TMEM163: variants seen among roughly 807,000 people sequenced by gnomAD.
TMEM163 encodes transmembrane protein 163.
TMEM163 carries 17 observed loss-of-function variants against 29.3 expected under a neutral mutation model. That is an observed-to-expected ratio of 0.58 (90% CI 0.40 to 0.87). TMEM163 has a LOEUF of 0.87. TMEM163 is among the 40% of genes least tolerant of loss of function. TMEM163 has a pLI of 0.00. For missense variants in TMEM163, 303 were observed against 381.5 expected, an observed-to-expected ratio of 0.79 and a Z score of 1.71; for synonymous variants, 157 against 160.6, an observed-to-expected ratio of 0.98 and a Z score of 0.17.
chr2:134,537,167 G>T (rs900534560), intron 4 of TMEM163, among the ~76,000 whole-genome samples: 2 of 152,128 alleles, frequency 1.3e-5, no homozygotes, highest in Non-Finnish European at 2.9e-5. Flanking sequence ...CCTAAATATT[G>T]TATTCACCTA....
intron 2 of TMEM163, among the ~76,000 whole-genome samples, chr2:134,659,385 T>C (rs546408423): frequency 6.6e-6 from 1 of 152,322 alleles, no homozygotes; most frequent in South Asian, 2.1e-4. Flanking sequence ...CAGGGTTTCC[T>C]GCTTTCCCCA....
intron 2 of TMEM163, among the ~76,000 whole-genome samples, chr2:134,681,325 G>A (rs919383788): frequency 6.6e-6 from 1 of 152,168 alleles, no homozygotes; most frequent in South Asian, 2.1e-4. Flanking sequence ...CGGGAAGGCT[G>A]GCTATGCATT....
At chr2:134,608,590 C>T (rs1185900504) in intron 2 of TMEM163, among the ~76,000 whole-genome samples, 38 of 44,076 alleles carry the variant, frequency 8.6e-4, no homozygotes, top group Admixed American at 1.0e-3. Context: ...GGACAGACCC[C>T]GAGAACTGTA....
intron 5 of TMEM163, among the ~76,000 whole-genome samples, chr2:134,489,032 T>C (rs1231334351): frequency 2.0e-5 from 3 of 152,038 alleles, no homozygotes; most frequent in Non-Finnish European, 4.4e-5. Flanking sequence ...CTTGGGAAGA[T>C]CTATAAAATG....
chr2:134,559,819 C>T (rs1453683550), intron 2 of TMEM163, among the ~76,000 whole-genome samples: 1 of 152,124 alleles, frequency 6.6e-6, no homozygotes, highest in Non-Finnish European at 1.5e-5. Flanking sequence ...GTGTTCTGGG[C>T]CACTTTGCAA....
intron 2 of TMEM163, among the ~76,000 whole-genome samples, chr2:134,702,516 G>A (rs1397749193): frequency 1.3e-5 from 2 of 152,042 alleles, no homozygotes; most frequent in Non-Finnish European, 2.9e-5. Flanking sequence ...ATGGTGGCAC[G>A]CCCCTGTAGT....
intron 4 of TMEM163, among the ~76,000 whole-genome samples, chr2:134,523,402 A>T (rs762327658): frequency 1.3e-5 from 2 of 152,206 alleles, no homozygotes; most frequent in Non-Finnish European, 2.9e-5. Context: ...TGCGGTACTC[A>T]GTTGTTTTGT....
At position 134,632,907 on chromosome 2, in the gene TMEM163, TAA is replaced by T. The variant is rs1486585920; in HGVS notation, c.322+80291_322+80292del. Among the ~76,000 whole-genome samples the T allele has an allele frequency of 3.5e-4, 50 of 142,266 alleles. 1 individual carries two copies. The highest frequency in any genetic ancestry group is 1.3e-3 in the African/African-American group (48 of 38,366). The allele number at this position is 142,266 out of a possible 152,430, so 93.3% of individuals were successfully genotyped here. A position where few individuals can be genotyped will look rare whatever the true frequency, so the allele number is the denominator to read the frequency against. Reference sequence around the variant, plus strand: ...ACAGGCACCCGCCACCACACCCAGCTAATTTTTTTTTTTTTTTTTTTTTTGTA... The same window carrying T: ...ACAGGCACCCGCCACCACACCCAGCTTTTTTTTTTTTTTTTTTTTTTTGTA... On this transcript the variant is annotated intron_variant, in intron 2 of 7. Transcript: ENST00000281924.
chr2:134,533,072 G>A (rs968286568), intron 4 of TMEM163, among the ~76,000 whole-genome samples: 1 of 151,934 alleles, frequency 6.6e-6, no homozygotes, highest in African/African-American at 2.4e-5. Context: ...TCAAGCACAG[G>A]GCCTAAAGAA....
At chr2:134,456,875 A>G (rs1358991191) in intron 7 of TMEM163, 99 bp from the exon 8 acceptor site, 3 of 1,272,406 alleles carry the variant, frequency 2.4e-6, no homozygotes, top group Non-Finnish European at 3.3e-6. Flanking sequence ...TAATTCACAT[A>G]CCATAAAATT....
At chr2:134,565,924 G>C (rs554654275) in intron 2 of TMEM163, among the ~76,000 whole-genome samples, 92 of 152,318 alleles carry the variant, frequency 6.0e-4, no homozygotes, top group African/African-American at 2.1e-3. Flanking sequence ...ATTCAGGCTG[G>C]TGGTCACCTC....
At chr2:134,492,365 A>C (rs1208505649) in intron 5 of TMEM163, among the ~76,000 whole-genome samples, 1 of 152,234 alleles carries the variant, frequency 6.6e-6, no homozygotes, top group Non-Finnish European at 1.5e-5. Flanking sequence ...TCATATACTT[A>C]AAGTATACAC....
chr2:134,486,404 A>T (rs1009245227), intron 5 of TMEM163, among the ~76,000 whole-genome samples: 1 of 152,196 alleles, frequency 6.6e-6, no homozygotes, highest in African/African-American at 2.4e-5. Context: ...CTTCTTCGAA[A>T]AGACGAGGAC....
chr2:134,538,716 TG>T (rs1196743496), intron 4 of TMEM163, among the ~76,000 whole-genome samples: 1 of 152,128 alleles, frequency 6.6e-6, no homozygotes, highest in Non-Finnish European at 1.5e-5. Context: ...AGAAAAGATA[TG>T]CTAGGCCACA....
chr2:134,636,963 C>T (rs961567444), intron 2 of TMEM163, among the ~76,000 whole-genome samples: 1 of 152,222 alleles, frequency 6.6e-6, no homozygotes, highest in Non-Finnish European at 1.5e-5. Context: ...TTCTGACTCA[C>T]TGGCCCCCCA....
At chr2:134,647,121 T>A (rs913902572) in intron 2 of TMEM163, among the ~76,000 whole-genome samples, 1 of 152,214 alleles carries the variant, frequency 6.6e-6, no homozygotes, top group African/African-American at 2.4e-5. Context: ...AATCTCTGCA[T>A]GCCTCAGTTT....
chr2:134,656,021 C>T (rs888564781), intron 2 of TMEM163, among the ~76,000 whole-genome samples: 1 of 145,560 alleles, frequency 6.9e-6, no homozygotes, highest in Admixed American at 6.7e-5. Context: ...GCCCTGCCCC[C>T]AGAGGTGGAG....
At chr2:134,491,839 A>C (rs1488711255) in intron 5 of TMEM163, among the ~76,000 whole-genome samples, 1 of 152,190 alleles carries the variant, frequency 6.6e-6, no homozygotes, top group Non-Finnish European at 1.5e-5. Context: ...CTTAAAATCC[A>C]AGGTTTCCAG....
intron 2 of TMEM163, among the ~76,000 whole-genome samples, chr2:134,577,428 C>G (rs767688094): frequency 1.8e-4 from 28 of 152,248 alleles, no homozygotes; most frequent in Non-Finnish European, 2.8e-4. Context: ...ACAGCTGGGA[C>G]GCTGAGGCAT....
Sources: gnomAD v4.1 joint callset for allele counts (sites outside exome capture counted in the v4.1 genomes callset) on GRCh38, gnomAD v4.1.1 for gene constraint, MANE v1.5 for transcripts, NCBI Gene and HGNC (gene_info 2026-07-23, HGNC 2026-07-21) for gene names.